The following ATXN1L variants were observed in gnomAD, a reference collection of about 807,000 sequenced individuals.
The protein encoded by ATXN1L is ataxin-1-like.
A neutral mutation model predicts 43.4 loss-of-function variants in ATXN1L; 8 were observed. That is an observed-to-expected ratio of 0.18 (90% CI 0.11 to 0.33). The LOEUF is 0.33. ATXN1L is among the 10% of genes least tolerant of loss of function. ATXN1L has a pLI of 1.00. For synonymous variants in ATXN1L, 379 were observed against 360.6 expected, an observed-to-expected ratio of 1.05 and a Z score of -0.58; for missense variants, 856 against 885.4, an observed-to-expected ratio of 0.97 and a Z score of 0.42.
intron 1 of ATXN1L, among the ~76,000 whole-genome samples, 153 bp from the exon 2 acceptor site, chr16:71,847,857 G>A (rs2033459373): frequency 6.6e-6 from 1 of 152,072 alleles, no homozygotes; most frequent in Admixed American, 6.6e-5. Flanking sequence ...TCAACTGCCT[G>A]GGCACTCTGG....
chr16:71,849,951 A>G lies in ATXN1L; in HGVS notation c.211A>G (p.Ile71Val). ...CCTGGGGGGTGATGGAGCTGAGGCC[A>G]TCACCGGTCTGACAGTGGACCAGTA... The part of the protein sequence containing the change: ...VSLGGDGAEA[I>V]TGLTVDQYGM... Residue 71 changes from isoleucine to valine, a missense_variant, in exon 3 of 3, where the codon ATC (isoleucine) becomes GTC (valine). By Grantham distance (29) the Ile-to-Val change is conservative. Around this residue, in one of 7 missense-constraint regions of ATXN1L, gnomAD observed 93 missense variants for 113.4 expected, o/e 0.82. Coordinates refer to ENST00000427980, the MANE Select transcript of ATXN1L (RefSeq NM_001137675.4). 1.3e-6 allele frequency: 2 copies of G among 1,551,522 alleles called. No homozygotes were observed. The highest frequency in any genetic ancestry group is 1.4e-5 in the African/African-American group (1 of 73,138).
Position 71,850,596 on chromosome 16 carries a change from G to A in ATXN1L, c.856G>A (p.Ala286Thr), listed in dbSNP as rs1302028735. The A allele has an allele frequency of 6.4e-7, 1 of 1,551,762 alleles. No individual in the cohort carries two copies. Among genetic ancestry groups the A allele is most frequent in the South Asian group, 1.2e-5 (1 of 84,062 alleles). ...ERNLVRRESE[A>T]LDSPNSKGEG... ...AAATTTAGTAAGACGGGAAAGTGAAGCCCTTGACTCCCCCAACAGCAAGGG... is the reference window on the plus strand; with the variant it reads ...AAATTTAGTAAGACGGGAAAGTGAAACCCTTGACTCCCCCAACAGCAAGGG... The change falls in exon 3 of 3, where the codon GCC (alanine) becomes ACC (threonine). Residue 286 changes from alanine (A) to threonine (T), a missense_variant. Transcript: ENST00000427980.
intron 2 of ATXN1L, 59 bp from the exon 3 acceptor site, chr16:71,849,565 C>T (rs1318015705): frequency 1.8e-6 from 1 of 541,178 alleles, no homozygotes; most frequent in Non-Finnish European, 3.1e-6. Context: ...CTTTCTATTT[C>T]CTTTGTCTTG....
chr16:71,846,832 C>G (rs1049659994), intron 1 of ATXN1L, among the ~76,000 whole-genome samples: 1 of 151,682 alleles, frequency 6.6e-6, no homozygotes, highest in East Asian at 1.9e-4. Flanking sequence ...TCTTTCGGTC[C>G]CTTTACTAGC....
At chr16:71,848,181 G>A (rs768097568) in intron 2 of ATXN1L, 110 bp downstream of exon 2, 2 of 410,176 alleles carry the variant, frequency 4.9e-6, no homozygotes, top group Non-Finnish European at 9.7e-6. Context: ...CAAAGAACTG[G>A]AACCTGGTTG....
intron 2 of ATXN1L, among the ~76,000 whole-genome samples, chr16:71,849,199 C>A (rs1597109975): frequency 2.7e-5 from 2 of 73,934 alleles, no homozygotes; most frequent in South Asian, 4.4e-4. Context: ...GCAACAAGAG[C>A]AAAACTCCAT....
rs61747485 is a variant in ATXN1L at position 71,850,328 on chromosome 16, C to G, written c.588C>G (p.His196Gln). Residue 196 changes from histidine to glutamine, a missense_variant, in exon 3 of 3, where the codon CAC (histidine) becomes CAG (glutamine). Coordinates refer to ENST00000427980, the MANE Select transcript of ATXN1L (RefSeq NM_001137675.4). ...CCCCACAGGCTCCCTCCCCGGCCCA[C>G]TCATTTAACAAAGCTCCCTCTGCCA... is the stretch of plus-strand genomic sequence containing the variant. ...TPPPQAPSPA[H>Q]SFNKAPSATS... is the part of the protein sequence containing the mutation. 2,347 of 1,551,740 alleles carry G rather than the reference C, an allele frequency of 1.5e-3. 30 individuals carry two copies. The African/African-American group carries it at 0.028, about 19-fold the overall frequency.
Position 71,850,534 on chromosome 16 carries a change from C to T in ATXN1L, c.794C>T (p.Ala265Val). 1.3e-6 allele frequency: 2 copies of T among 1,551,762 alleles called. No homozygotes were observed. Among genetic ancestry groups the T allele is most frequent in the Non-Finnish European group, 1.7e-6 (2 of 1,147,006 alleles). Residue 265 changes from alanine to valine, a missense_variant, in exon 3 of 3, where the codon GCA becomes GTA. This residue lies in a region of ATXN1L where 490 missense variants were observed against 449.4 expected (regional missense o/e 1.09). Coordinates refer to ENST00000427980, the MANE Select transcript of ATXN1L (RefSeq NM_001137675.4). ...CAGGAGAGCCAGTCTGCTCTGGAAG[C>T]AGCTGCTGCAAATGGAGGACAGAGA... ...TPQESQSALE[A>V]AAANGGQRPR...
Position 71,853,808 on chromosome 16 carries a change from C to T in ATXN1L, c.*1998C>T, listed in dbSNP as rs999895886. Reference sequence around the variant, plus strand: ...GAAAGCAGTTTGCCTGGTCAGTCAGCTTTTGGGGGTCCATCAAAGGAGGTT... The same window carrying T: ...GAAAGCAGTTTGCCTGGTCAGTCAGTTTTTGGGGGTCCATCAAAGGAGGTT... On this transcript the variant is annotated 3_prime_UTR_variant, in exon 3 of 3. Transcript: ENST00000427980. 5 of 167,062 alleles carry T rather than the reference C, an allele frequency of 3.0e-5. No homozygotes were observed. Among genetic ancestry groups the T allele is most frequent in the African/African-American group, 9.7e-5 (4 of 41,418 alleles). The allele number at this position is 167,062 out of a possible 1,614,324, so 10.3% of individuals were successfully genotyped here.
Position 71,849,215 on chromosome 16 carries a change from T to TAAAAAAAAAAA in ATXN1L, c.-117-409_-117-408insAAAAAAAAAAA. On this transcript the variant is annotated intron_variant, in intron 2 of 2. Transcript: ENST00000427980. Reference sequence around the variant, plus strand: ...CAACAAGAGCAAAACTCCATGTGTTTTAAAAAAAAAAAAAAAAAAAAAAAA... The same window carrying TAAAAAAAAAAA: ...CAACAAGAGCAAAACTCCATGTGTTTAAAAAAAAAAATAAAAAAAAAAAAAAAAAAAAAAAA... Among the ~76,000 whole-genome samples the TAAAAAAAAAAA allele has an allele frequency of 2.3e-5, 2 of 86,050 alleles. 1 individual carries two copies. The highest frequency in any genetic ancestry group is 4.6e-5 in the Non-Finnish European group (2 of 43,198). The allele number at this position is 86,050 out of a possible 152,430, so 56.5% of individuals were successfully genotyped here.
At chr16:71,849,039 A>G (rs545278252) in intron 2 of ATXN1L, among the ~76,000 whole-genome samples, 1 of 152,000 alleles carries the variant, frequency 6.6e-6, no homozygotes, top group Admixed American at 6.6e-5. Context: ...ACATGGTGAA[A>G]CCCCATCTCT....
At position 71,853,132 on chromosome 16, in the gene ATXN1L, C is replaced by T. The variant is rs2033521287; in HGVS notation, c.*1322C>T. The T allele has an allele frequency of 1.2e-5, 2 of 167,168 alleles. No homozygotes were observed. Among genetic ancestry groups the T allele is most frequent in the South Asian group, 4.1e-4 (2 of 4,830 alleles). 10.4% of individuals were successfully genotyped at this position (167,168 alleles called of 1,614,324 possible). ...CTGGTGCCTCCAAGCCATCCCCTCCCACCACCAGCTCTAAGATTCTAGGAT... is the reference window on the plus strand; with the variant it reads ...CTGGTGCCTCCAAGCCATCCCCTCCTACCACCAGCTCTAAGATTCTAGGAT... On this transcript the variant is annotated 3_prime_UTR_variant, in exon 3 of 3. Coordinates refer to ENST00000427980, the MANE Select transcript of ATXN1L (RefSeq NM_001137675.4).
In ATXN1L at chr16:71,849,627, TG is replaced by T; in HGVS notation, c.-111del. On this transcript the variant is annotated 5_prime_UTR_variant, in exon 3 of 3. The change creates a premature stop within an existing upstream ORF in the 5' untranslated region. Transcript: ENST00000427980. Reference sequence around the variant, plus strand: ...CCTCTGATTTGTTCCCTAATAGATGTGGGCGCCCCAGCCAGAAGCAGAGAGG... The same window carrying T: ...CCTCTGATTTGTTCCCTAATAGATGTGGCGCCCCAGCCAGAAGCAGAGAGG... 2 of 1,203,424 alleles carry T rather than the reference TG, an allele frequency of 1.7e-6. No individual in the cohort carries two copies. The highest frequency in any genetic ancestry group is 2.3e-6 in the Non-Finnish European group (2 of 887,304). The allele number at this position is 1,203,424 out of a possible 1,614,324, so 74.5% of individuals were successfully genotyped here.
In ATXN1L at chr16:71,854,834, A is replaced by G. The variant is rs1281106585; in HGVS notation, c.*3024A>G. The G allele has an allele frequency of 6.0e-6, 1 of 167,006 alleles. No homozygotes were observed. Among genetic ancestry groups the G allele is most frequent in the African/African-American group, 2.4e-5 (1 of 41,450 alleles). 10.3% of individuals were successfully genotyped at this position (167,006 alleles called of 1,614,324 possible). On this transcript the variant is annotated 3_prime_UTR_variant, in exon 3 of 3. Transcript: ENST00000427980. ...TGTATACCAATTTGGGAATAGGGGA[A>G]CCCAGTCATGGATGGATAATAAGCC...
At chr16:71,847,714 C>T (rs1223019419) in intron 1 of ATXN1L, among the ~76,000 whole-genome samples, 3 of 151,994 alleles carry the variant, frequency 2.0e-5, no homozygotes. Flanking sequence ...GCAAATTTAA[C>T]CTTTGGGGAA....
rs1305291619 is a variant in ATXN1L at position 71,851,254 on chromosome 16, T to C, written c.1514T>C (p.Ile505Thr). 2 of 1,551,570 alleles carry C rather than the reference T, an allele frequency of 1.3e-6. No individual in the cohort carries two copies. The highest frequency in any genetic ancestry group is 1.7e-6 in the Non-Finnish European group (2 of 1,146,946). Residue 505 changes from isoleucine (I) to threonine (T), a missense_variant, in exon 3 of 3, where the codon ATT becomes ACT. Ile to Thr is a moderately conservative substitution (Grantham distance 89). Around this residue, in one of 7 missense-constraint regions of ATXN1L, gnomAD observed 54 missense variants for 56.6 expected, o/e 0.95. Transcript: ENST00000427980. The surrounding 1 kb of genome is among the most constrained non-coding windows in gnomAD (Gnocchi z 4.9). ...GCCGAAGTGAGCGGGGGGCTGAAGA[T>C]TGACTCTAGCACGGTCGTGGACATT... ...RSAEVSGGLK[I>T]DSSTVVDIQE... is the part of the protein sequence containing the mutation.
Position 71,853,984 on chromosome 16 carries a change from TG to T in ATXN1L, c.*2178del, listed in dbSNP as rs1476781879. On this transcript the variant is annotated 3_prime_UTR_variant, in exon 3 of 3. Coordinates refer to ENST00000427980, the MANE Select transcript of ATXN1L (RefSeq NM_001137675.4). ...GCTTGTTTCCTACAGTGGGGGCCTG[TG>T]GGGTTGAGTCTTGAGGAATCCCCTC... 6.0e-6 allele frequency: 1 copy of T among 167,234 alleles called. No individual in the cohort carries two copies. Among genetic ancestry groups the T allele is most frequent in the Non-Finnish European group, 1.5e-5 (1 of 68,248 alleles). The allele number at this position is 167,234 out of a possible 1,614,324, so 10.4% of individuals were successfully genotyped here.
rs2033494547 is a variant in ATXN1L at position 71,850,880 on chromosome 16, C to T, written c.1140C>T (p.Ala380=). The change falls in exon 3 of 3, where the codon GCC becomes GCT. Residue 380 remains alanine (A), a synonymous_variant. Transcript: ENST00000427980. ...ATCAGGGTGAGGGGCGAGGGTCAGC[C>T]AGGAACCCTGCAGAGCTGGCAGAGA... ...PDHQGEGRGS[A]RNPAELAEKS... is the part of the protein sequence containing the mutation. 1 of 1,551,690 alleles carries T rather than the reference C, an allele frequency of 6.4e-7. No individual in the cohort carries two copies. The highest frequency in any genetic ancestry group is 1.2e-5 in the South Asian group (1 of 84,056).
Position 71,851,799 on chromosome 16 carries a change from G to A in ATXN1L, c.2059G>A (p.Ala687Thr). 1 of 1,431,102 alleles carries A rather than the reference G, an allele frequency of 7.0e-7. No homozygotes were observed. Among genetic ancestry groups the A allele is most frequent in the Non-Finnish European group, 9.2e-7 (1 of 1,087,362 alleles). 88.7% of individuals were successfully genotyped at this position (1,431,102 alleles called of 1,614,324 possible). Reference sequence around the variant, plus strand: ...GCTGTCCATTGAAGGGCGTTCCAATGCGGGAAAATGAACCTCTTCCCCAGA... The same window carrying A: ...GCTGTCCATTGAAGGGCGTTCCAATACGGGAAAATGAACCTCTTCCCCAGA... ...VKLSIEGRSN[A>T]GK Residue 687 changes from alanine to threonine, a missense_variant, in exon 3 of 3, where the codon GCG (alanine) becomes ACG (threonine). Physicochemically the swap from Ala to Thr is moderately conservative, Grantham distance 58 (BLOSUM62 0). Coordinates refer to ENST00000427980, the MANE Select transcript of ATXN1L (RefSeq NM_001137675.4). The surrounding 1 kb of genome is among the most constrained non-coding windows in gnomAD (Gnocchi z 4.9).
Sources: allele counts gnomAD v4.1 joint callset (sites outside exome capture counted in the v4.1 genomes callset), GRCh38; gene constraint gnomAD v4.1.1; regional missense constraint gnomAD v4.1.1; non-coding constraint Gnocchi (gnomAD v3.1); transcripts MANE v1.5; gene names NCBI Gene and HGNC (gene_info 2026-07-23, HGNC 2026-07-21).